Variants in RELN observed in about 807,000 individuals in gnomAD.
RELN encodes the protein reelin.
Under a neutral mutation model 427.6 loss-of-function variants are expected in RELN, and 108 were observed. The ratio of observed to expected loss-of-function variants is 0.25; its 90% CI spans 0.22 to 0.30. RELN has a LOEUF of 0.30. Among genes scored for constraint, RELN ranks in the 10% least tolerant of loss-of-function variants. RELN has a pLI of 1.00. For missense variants in RELN, 3,715 were observed against 4,302.8 expected (o/e 0.86, Z 3.82); for synonymous variants, 1,524 against 1,513.4 (o/e 1.01, Z -0.16).
In RELN at chr7:103,651,534, G is replaced by T. The variant is rs557000973; in HGVS notation, c.1892+127C>A. On this transcript the variant is annotated intron_variant, in intron 15 of 64. Coordinates refer to ENST00000428762, the MANE Select transcript of RELN (RefSeq NM_005045.4). ...ATCTTTCTTTCTTTCTTTTTTACAA[G>T]ACCACTTTTAAAGAGGTTAGGTTTC... 1.7e-5 allele frequency: 14 copies of T among 844,946 alleles called. No homozygotes were observed. The South Asian group carries it at 1.8e-4, about 11-fold the overall frequency. The allele number at this position is 844,946 out of a possible 1,614,324, so 52.3% of individuals were successfully genotyped here. A position where few individuals can be genotyped will look rare whatever the true frequency, so the allele number is the denominator to read the frequency against.
chr7:103,854,922 G>T (rs1002099920), intron 2 of RELN, among the ~76,000 whole-genome samples: 10 of 152,172 alleles, frequency 6.6e-5, no homozygotes, highest in African/African-American at 2.4e-4. Flanking sequence ...GAACACTATT[G>T]TAAGTTTCAT....
chr7:103,664,128 C>T (rs1369220147), intron 11 of RELN, among the ~76,000 whole-genome samples: 1 of 152,180 alleles, frequency 6.6e-6, no homozygotes, highest in African/African-American at 2.4e-5. Context: ...TTCAAGAGGA[C>T]TCTGAAGCTA....
At chr7:103,891,741 A>AT (rs749105861) in intron 2 of RELN, among the ~76,000 whole-genome samples, 2 of 151,642 alleles carry the variant, frequency 1.3e-5, no homozygotes, top group Non-Finnish European at 2.9e-5. Flanking sequence ...TTCATTATTC[A>AT]TTTTTTTCAA....
At chr7:103,673,190 T>C (rs1833432946) in intron 11 of RELN, among the ~76,000 whole-genome samples, 1 of 152,142 alleles carries the variant, frequency 6.6e-6, no homozygotes, top group South Asian at 2.1e-4. Context: ...TTTTATTGTT[T>C]ACTTTTTCCA....
Position 103,629,944 on chromosome 7 carries a change from G to C in RELN, c.2698C>G (p.Leu900Val). 1 of 1,576,270 alleles carries C rather than the reference G, an allele frequency of 6.3e-7. No homozygotes were observed. Among genetic ancestry groups the C allele is most frequent in the Non-Finnish European group, 8.7e-7 (1 of 1,145,784 alleles). Residue 900 changes from leucine to valine, a missense_variant, in exon 20 of 65, where the codon CTT (leucine) becomes GTT (valine). Leu to Val is a conservative substitution (Grantham distance 32). This residue lies in a region of RELN where 2,208 missense variants were observed against 2,361.7 expected (regional missense o/e 0.93). Transcript: ENST00000428762. ...VQPYCGHDWT[L>V]CFTGDSKLAS... Reference sequence around the variant, plus strand: ...TAACAATGATGAAATCCTTACCAAAGGGTCCAGTCGTGGCCACAGTATGGC... The same window carrying C: ...TAACAATGATGAAATCCTTACCAAACGGTCCAGTCGTGGCCACAGTATGGC...
chr7:103,494,174 G>A (rs1828755782), intron 57 of RELN, among the ~76,000 whole-genome samples: 1 of 152,104 alleles, frequency 6.6e-6, no homozygotes, highest in Non-Finnish European at 1.5e-5. Flanking sequence ...TAGCATTTGG[G>A]GAGCTTGCCT....
chr7:103,505,033 G>T (rs1159715064), intron 51 of RELN, among the ~76,000 whole-genome samples: 3 of 152,160 alleles, frequency 2.0e-5, no homozygotes, highest in African/African-American at 7.2e-5. Flanking sequence ...TCCTCTCTGG[G>T]CAGGGCATCT....
chr7:103,561,426 T>C (rs1830638686), intron 36 of RELN, 106 bp downstream of exon 36: 1 of 942,124 alleles, frequency 1.1e-6, no homozygotes, highest in African/African-American at 1.6e-5. Flanking sequence ...ATGTATTAAA[T>C]ATTATGTCAT....
chr7:103,659,503 T>C (rs988212412), intron 12 of RELN, among the ~76,000 whole-genome samples: 1 of 152,134 alleles, frequency 6.6e-6, no homozygotes, highest in Non-Finnish European at 1.5e-5. Context: ...CATACCTTTA[T>C]TCTTGTGCCC....
intron 1 of RELN, among the ~76,000 whole-genome samples, chr7:103,972,889 T>C (rs941950691): frequency 3.8e-5 from 5 of 131,154 alleles, no homozygotes; most frequent in Non-Finnish European, 8.0e-5. Context: ...TGTGGGCATA[T>C]GATTATGTGT....
At chr7:103,894,233 T>G (rs1032523690) in intron 2 of RELN, among the ~76,000 whole-genome samples, 1 of 152,182 alleles carries the variant, frequency 6.6e-6, no homozygotes, top group East Asian at 1.9e-4. Context: ...AGCATTTCGT[T>G]ATTTATAAAA....
chr7:103,812,372 T>C (rs1174223899), intron 3 of RELN, among the ~76,000 whole-genome samples: 3 of 152,130 alleles, frequency 2.0e-5, no homozygotes, highest in Non-Finnish European at 4.4e-5. Context: ...CCCCCTCAAC[T>C]CAGAATCCTG....
At chr7:103,596,878 C>T (rs1429659465) in intron 24 of RELN, among the ~76,000 whole-genome samples, 1 of 152,152 alleles carries the variant, frequency 6.6e-6, no homozygotes, top group East Asian at 1.9e-4. Context: ...ATTACTGATT[C>T]CCAGGCTGGG....
intron 4 of RELN, among the ~76,000 whole-genome samples, chr7:103,760,904 A>T (rs1791282544): frequency 7.1e-6 from 1 of 140,846 alleles, no homozygotes; most frequent in Non-Finnish European, 1.5e-5. Context: ...ATAATTTATT[A>T]CTTTTTGTAT....
intron 41 of RELN, among the ~76,000 whole-genome samples, chr7:103,545,935 C>A (rs745436151): frequency 3.7e-4 from 57 of 152,144 alleles, no homozygotes; most frequent in Non-Finnish European, 6.8e-4. Context: ...CGCACCCGGC[C>A]CCTTCTGTCT....
At chr7:103,866,528 A>T (rs188669209) in intron 2 of RELN, among the ~76,000 whole-genome samples, 2 of 152,144 alleles carry the variant, frequency 1.3e-5, no homozygotes, top group East Asian at 3.9e-4. Context: ...CATGATTTGG[A>T]CCCCAGTAAA....
chr7:103,902,746 A>T (rs939088956), intron 2 of RELN, among the ~76,000 whole-genome samples: 4 of 152,130 alleles, frequency 2.6e-5, no homozygotes, highest in African/African-American at 9.7e-5. Flanking sequence ...GGTTGAAAAC[A>T]AACTACAAAA....
In RELN at chr7:103,620,472, C is replaced by T. The variant is rs915027893; in HGVS notation, c.2703-8669G>A. Among the ~76,000 whole-genome samples the T allele has an allele frequency of 3.5e-5, 4 of 114,036 alleles. No individual in the cohort carries two copies. The East Asian group carries it at 8.0e-4, about 23-fold the overall frequency. 74.8% of individuals were successfully genotyped at this position (114,036 alleles called of 152,430 possible). A position where few individuals can be genotyped will look rare whatever the true frequency, so the allele number is the denominator to read the frequency against. On this transcript the variant is annotated intron_variant, in intron 20 of 64. Coordinates refer to ENST00000428762, the MANE Select transcript of RELN (RefSeq NM_005045.4). The surrounding 1 kb of genome is among the most constrained non-coding windows in gnomAD (Gnocchi z 4.1). ...TTGGTTGAAGATAACTCACCCGATC[C>T]ACATTTTTTTTTTTTTTTTGAGATA... is the stretch of plus-strand genomic sequence containing the variant.
At chr7:103,708,992 A>T (rs958847207) in intron 8 of RELN, among the ~76,000 whole-genome samples, 3 of 152,170 alleles carry the variant, frequency 2.0e-5, no homozygotes, top group African/African-American at 7.2e-5. Context: ...TTTGTTTCAC[A>T]AATTCTAAGT....
Sources: allele counts gnomAD v4.1 joint callset (sites outside exome capture counted in the v4.1 genomes callset), GRCh38; gene constraint gnomAD v4.1.1; regional missense constraint gnomAD v4.1.1; non-coding constraint Gnocchi (gnomAD v3.1); transcripts MANE v1.5; gene names NCBI Gene and HGNC (gene_info 2026-07-23, HGNC 2026-07-21).